The following GPC6 variants were observed in gnomAD, a reference collection of about 807,000 sequenced individuals.
GPC6 encodes glypican-6.
GPC6 carries 14 observed loss-of-function variants against 55.2 expected under a neutral mutation model. The ratio of observed to expected loss-of-function variants is 0.25; its 90% CI spans 0.17 to 0.40. The LOEUF (loss-of-function observed/expected upper bound fraction) is 0.40, where lower values mean the gene tolerates loss of function less well. Ranked by LOEUF, GPC6 falls within the 10% of genes least tolerant of loss-of-function variation. The probability of loss-of-function intolerance (pLI) is 1.00; values close to 1 mark genes in which losing one functional copy is unlikely to be tolerated. For missense variants in GPC6, 641 were observed against 708.5 expected (o/e 0.90, Z 1.08); for synonymous variants, 278 against 259.6 (o/e 1.07, Z -0.68).
intron 1 of GPC6, among the ~76,000 whole-genome samples, chr13:93,315,773 A>T (rs1035622999): frequency 6.6e-6 from 1 of 151,178 alleles, no homozygotes; most frequent in African/African-American, 2.4e-5. Context: ...TTTTTTAACC[A>T]TGTATGTAGT....
At chr13:93,245,274 C>G (rs1053242139) in intron 1 of GPC6, among the ~76,000 whole-genome samples, 3 of 152,182 alleles carry the variant, frequency 2.0e-5, no homozygotes, top group African/African-American at 7.2e-5. Context: ...TATACTTGAG[C>G]ACCGTTATTC....
intron 1 of GPC6, among the ~76,000 whole-genome samples, chr13:93,507,798 G>A (rs558238985): frequency 6.6e-6 from 1 of 152,044 alleles, no homozygotes; most frequent in South Asian, 2.1e-4. Flanking sequence ...GGAATGAGGA[G>A]CAAGATATGA....
At chr13:94,331,797 A>T (rs1201810319) in intron 6 of GPC6, among the ~76,000 whole-genome samples, 1 of 152,196 alleles carries the variant, frequency 6.6e-6, no homozygotes, top group Non-Finnish European at 1.5e-5. Flanking sequence ...AGGTGAATTA[A>T]TTTGGGTACC....
At chr13:93,478,987 T>C (rs1218035043) in intron 1 of GPC6, among the ~76,000 whole-genome samples, 2 of 152,220 alleles carry the variant, frequency 1.3e-5, no homozygotes, top group African/African-American at 2.4e-5. Flanking sequence ...AAATTTTCCA[T>C]GCAGGCTGTA....
chr13:93,255,578 A>C (rs899678805), intron 1 of GPC6, among the ~76,000 whole-genome samples: 17 of 152,156 alleles, frequency 1.1e-4, no homozygotes, highest in Admixed American at 5.2e-4. Context: ...TCAATGTCAT[A>C]CATACTGATC....
intron 4 of GPC6, among the ~76,000 whole-genome samples, chr13:94,272,136 C>T (rs1019335577): frequency 6.6e-6 from 1 of 152,022 alleles, no homozygotes; most frequent in East Asian, 1.9e-4. Flanking sequence ...GAAAAAAGGG[C>T]TCCCATTGCT....
At chr13:93,817,715 C>G (rs183899800) in intron 2 of GPC6, among the ~76,000 whole-genome samples, 153 of 151,714 alleles carry the variant, frequency 1.0e-3, no homozygotes, top group Non-Finnish European at 9.7e-4. Flanking sequence ...AAAAATTAGC[C>G]CAGTGTGGTG....
chr13:93,612,969 T>C (rs977206133), intron 2 of GPC6, among the ~76,000 whole-genome samples: 1 of 152,168 alleles, frequency 6.6e-6, no homozygotes, highest in Non-Finnish European at 1.5e-5. Context: ...ATGACTGTTA[T>C]GCTGGAATTC....
At chr13:93,992,399 C>T (rs1443266325) in intron 3 of GPC6, among the ~76,000 whole-genome samples, 2 of 152,170 alleles carry the variant, frequency 1.3e-5, no homozygotes, top group Middle Eastern at 3.4e-3. Context: ...AGAAGTATAG[C>T]TTGTTTGATT....
At chr13:93,323,468 T>A (rs1472221425) in intron 1 of GPC6, among the ~76,000 whole-genome samples, 1 of 152,186 alleles carries the variant, frequency 6.6e-6, no homozygotes, top group Non-Finnish European at 1.5e-5. Flanking sequence ...CCACCTCATT[T>A]CTTCATGAGC....
intron 4 of GPC6, among the ~76,000 whole-genome samples, chr13:94,168,336 A>G (rs1888437796): frequency 6.6e-6 from 1 of 152,188 alleles, no homozygotes; most frequent in Admixed American, 6.5e-5. Context: ...GTGCTCACGC[A>G]TAGATTTGTT....
rs555284488 is a variant in GPC6 at position 94,097,932 on chromosome 13, G to A, written c.877+70038G>A. Among the ~76,000 whole-genome samples the A allele has an allele frequency of 2.7e-4, 41 of 152,044 alleles. No homozygotes were observed. The South Asian group carries it at 2.7e-3, about 10-fold the overall frequency. On this transcript the variant is annotated intron_variant, in intron 4 of 8. Coordinates refer to ENST00000377047, the MANE Select transcript of GPC6 (RefSeq NM_005708.5). ...ATATTGAAAAGAAAATAGAATCATC[G>A]CTCTGTAAATAGAAAACCACACCAG... is the stretch of plus-strand genomic sequence containing the variant.
intron 2 of GPC6, among the ~76,000 whole-genome samples, chr13:93,596,612 T>TAAATAA (rs1324359347): frequency 2.7e-4 from 5 of 18,628 alleles, no homozygotes; most frequent in Non-Finnish European, 1.2e-3. Context: ...AATAAATAAA[T>TAAATAA]ATATATATAT....
At chr13:93,807,451 C>G (rs1386675244) in intron 2 of GPC6, among the ~76,000 whole-genome samples, 1 of 152,194 alleles carries the variant, frequency 6.6e-6, no homozygotes, top group African/African-American at 2.4e-5. Context: ...GAAAGTACCA[C>G]ATACAGAGGC....
intron 1 of GPC6, among the ~76,000 whole-genome samples, chr13:93,441,733 A>G (rs1160412016): frequency 6.6e-6 from 1 of 152,096 alleles, no homozygotes; most frequent in Non-Finnish European, 1.5e-5. Context: ...TTTTGTTGCC[A>G]TTACTTTTGG....
rs528876115 is a variant in GPC6 at position 93,251,007 on chromosome 13, G to T, written c.160+23391G>T. On this transcript the variant is annotated intron_variant, in intron 1 of 8. Transcript: ENST00000377047. ...AGAGAATGAGAGCCAAGCGAAAGGG[G>T]TTTGCTCTTATAAAACCATCAGATC... Among the ~76,000 whole-genome samples the T allele has an allele frequency of 2.0e-5, 3 of 152,224 alleles. No homozygotes were observed. The East Asian group carries it at 5.8e-4, about 29-fold the overall frequency.
At chr13:93,877,980 T>C (rs1363873752) in intron 3 of GPC6, among the ~76,000 whole-genome samples, 3 of 152,030 alleles carry the variant, frequency 2.0e-5, no homozygotes, top group Non-Finnish European at 4.4e-5. Flanking sequence ...AAATTTGGTT[T>C]GAAAAGCAGT....
chr13:94,149,163 G>A (rs1474721535), intron 4 of GPC6, among the ~76,000 whole-genome samples: 3 of 152,064 alleles, frequency 2.0e-5, no homozygotes, highest in Non-Finnish European at 4.4e-5. Context: ...ATCTTTGTGT[G>A]CCTCCCTTCC....
chr13:93,687,110 T>A (rs942061643), intron 2 of GPC6, among the ~76,000 whole-genome samples: 1 of 152,144 alleles, frequency 6.6e-6, no homozygotes, highest in Non-Finnish European at 1.5e-5. Context: ...TTTCATTTCT[T>A]AAATTTCATG....
Sources: allele counts gnomAD v4.1 joint callset (sites outside exome capture counted in the v4.1 genomes callset), GRCh38; gene constraint gnomAD v4.1.1; transcripts MANE v1.5; gene names NCBI Gene and HGNC (gene_info 2026-07-23, HGNC 2026-07-21).